DNAJC5: variants seen among roughly 807,000 people sequenced by gnomAD.
The protein encoded by DNAJC5 is DnaJ heat shock protein family (Hsp40) member C5.
In DNAJC5, 1 loss-of-function variant was observed where a neutral mutation model predicts 23.2. That is an observed-to-expected ratio of 0.04 (90% CI 0.02 to 0.20). DNAJC5 has a LOEUF of 0.20. Ranked by LOEUF, DNAJC5 falls within the 10% of genes least tolerant of loss-of-function variation. The probability of loss-of-function intolerance (pLI) is 1.00; values close to 1 mark genes in which losing one functional copy is unlikely to be tolerated. For missense variants in DNAJC5, 180 were observed against 267.0 expected (o/e 0.67, Z 2.27); for synonymous variants, 136 against 120.0 (o/e 1.13, Z -0.87).
At chr20:63,913,099 T>C (rs6062577) in intron 1 of DNAJC5, among the ~76,000 whole-genome samples, 11,631 of 93,108 alleles carry the variant, frequency 0.12, 457 homozygotes, top group East Asian at 0.5. Context: ...GTCTGCACTG[T>C]CTCTCCCAGA....
chr20:63,926,071 G>T (rs1427055374), intron 1 of DNAJC5, among the ~76,000 whole-genome samples: 2 of 152,072 alleles, frequency 1.3e-5, no homozygotes, highest in Non-Finnish European at 2.9e-5. Context: ...CTCGTGATCT[G>T]CCCGCCTTGG....
intron 1 of DNAJC5, among the ~76,000 whole-genome samples, chr20:63,895,959 A>C (rs1358267258): frequency 6.6e-6 from 1 of 152,208 alleles, no homozygotes; most frequent in Non-Finnish European, 1.5e-5. Flanking sequence ...GTTGGTGTTA[A>C]GTGTCTGGAT....
At chr20:63,921,522 C>T (rs140259601) in intron 1 of DNAJC5, among the ~76,000 whole-genome samples, 35 of 149,436 alleles carry the variant, frequency 2.3e-4, no homozygotes, top group African/African-American at 7.9e-4. Context: ...ACCCGGGAGG[C>T]GGAGCTTGCA....
At chr20:63,917,628 T>C (rs571812621) in intron 1 of DNAJC5, among the ~76,000 whole-genome samples, 1 of 152,276 alleles carries the variant, frequency 6.6e-6, no homozygotes, top group East Asian at 1.9e-4. Context: ...CGATCTCGGC[T>C]CACTGCAACC....
chr20:63,901,563 G>C (rs1600859257), intron 1 of DNAJC5, among the ~76,000 whole-genome samples: 1 of 152,266 alleles, frequency 6.6e-6, no homozygotes, highest in South Asian at 2.1e-4. Context: ...CAGTCTCAGA[G>C]TGGAGGCGAG....
intron 1 of DNAJC5, among the ~76,000 whole-genome samples, chr20:63,922,597 G>C (rs76284561): frequency 1.8e-4 from 27 of 151,748 alleles, no homozygotes; most frequent in Non-Finnish European, 3.5e-4. Flanking sequence ...CATAGACCCC[G>C]TCTCTGCAAA....
intron 3 of DNAJC5, among the ~76,000 whole-genome samples, 187 bp from the exon 4 acceptor site, chr20:63,930,664 T>A (rs1452118348): frequency 2.6e-5 from 4 of 152,210 alleles, no homozygotes; most frequent in Admixed American, 2.6e-4. Flanking sequence ...TGCTTTTCTT[T>A]AAGCTGCGGG....
chr20:63,930,923 T>A lies in DNAJC5; in HGVS notation c.394T>A (p.Cys132Ser). 1 of 1,614,172 alleles carries A rather than the reference T, an allele frequency of 6.2e-7. No homozygotes were observed. Among genetic ancestry groups the A allele is most frequent in the Non-Finnish European group, 8.5e-7 (1 of 1,180,050 alleles). ...CTGTCTGTGCTGCTGCTTCAACTGC[T>A]GCTGCGGGAAGTGTAAGCCCAAGGC... ...CCCLCCCFNCCCGKCKPKAPE... is the reference protein window; with the variant it reads ...CCCLCCCFNCSCGKCKPKAPE... The change falls in exon 4 of 5, where the codon TGC becomes AGC. Residue 132 changes from cysteine (C) to serine (S), a missense_variant. Around this residue, in one of 3 missense-constraint regions of DNAJC5, gnomAD observed 97 missense variants for 123.4 expected, o/e 0.79. Coordinates refer to ENST00000360864, the MANE Select transcript of DNAJC5 (RefSeq NM_025219.3).
chr20:63,920,415 G>A lies in DNAJC5; in HGVS notation c.-11-7920G>A, dbSNP rs2053559203. On this transcript the variant is annotated intron_variant, in intron 1 of 4. Coordinates refer to ENST00000360864, the MANE Select transcript of DNAJC5 (RefSeq NM_025219.3). The surrounding 1 kb of genome is among the most constrained non-coding windows in gnomAD (Gnocchi z 4.6). ...GTCAGCAGGGCTCTCGTCCGCCAAC[G>A]TCTGGTGGGGATGCCCGCCATGCGG... 7.0e-6 allele frequency among the ~76,000 whole-genome samples: 1 copy of A among 143,872 alleles called. No individual in the cohort carries two copies. Among genetic ancestry groups the A allele is most frequent in the Non-Finnish European group, 1.5e-5 (1 of 67,188 alleles). The allele number at this position is 143,872 out of a possible 152,430, so 94.4% of individuals were successfully genotyped here.
chr20:63,930,919 C>G lies in DNAJC5; in HGVS notation c.390C>G (p.Asn130Lys). 6.2e-7 allele frequency: 1 copy of G among 1,614,158 alleles called. No individual in the cohort carries two copies. Among genetic ancestry groups the G allele is most frequent in the Non-Finnish European group, 8.5e-7 (1 of 1,180,048 alleles). Residue 130 changes from asparagine (N) to lysine (K), a missense_variant, in exon 4 of 5, where the codon AAC becomes AAG. Physicochemically the swap from Asn to Lys is moderately conservative, Grantham distance 94. Transcript: ENST00000360864. ...GCTGCTGTCTGTGCTGCTGCTTCAA[C>G]TGCTGCTGCGGGAAGTGTAAGCCCA... ...YCCCCLCCCF[N>K]CCCGKCKPKA...
At chr20:63,898,695 G>T (rs895116044) in intron 1 of DNAJC5, among the ~76,000 whole-genome samples, 10 of 152,134 alleles carry the variant, frequency 6.6e-5, no homozygotes, top group Non-Finnish European at 1.3e-4. Context: ...TACAAAAATA[G>T]CTGGGTGTGG....
intron 3 of DNAJC5, among the ~76,000 whole-genome samples, 170 bp from the exon 4 acceptor site, chr20:63,930,681 T>A (rs2053661450): frequency 6.6e-6 from 1 of 152,204 alleles, no homozygotes; most frequent in African/African-American, 2.4e-5. Flanking sequence ...CGGGTTTCTT[T>A]CTGTCTCTCC....
At position 63,931,635 on chromosome 20, in the gene DNAJC5, T is replaced by C; in HGVS notation, c.*67T>C. 2.1e-6 allele frequency: 3 copies of C among 1,456,348 alleles called. No individual in the cohort carries two copies. Among genetic ancestry groups the C allele is most frequent in the Non-Finnish European group, 2.8e-6 (3 of 1,073,370 alleles). The allele number at this position is 1,456,348 out of a possible 1,614,324, so 90.2% of individuals were successfully genotyped here. A position where few individuals can be genotyped will look rare whatever the true frequency, so the allele number is the denominator to read the frequency against. The stretch of plus-strand genomic sequence containing the variant: ...CCACGCCAACCTTAGAATCATGAAC[T>C]GTAGTCACAGAGATGGGAAGGCAGC... On this transcript the variant is annotated 3_prime_UTR_variant, in exon 5 of 5. Transcript: ENST00000360864. The surrounding 1 kb of genome is among the most constrained non-coding windows in gnomAD (Gnocchi z 9.6).
chr20:63,925,311 CCA>C (rs2053603440), intron 1 of DNAJC5, among the ~76,000 whole-genome samples: 1 of 152,094 alleles, frequency 6.6e-6, no homozygotes, highest in African/African-American at 2.4e-5. Context: ...TGGTGAAACC[CCA>C]TCTCTACTAA....
chr20:63,923,509 C>G (rs750440394), intron 1 of DNAJC5, among the ~76,000 whole-genome samples: 2 of 151,826 alleles, frequency 1.3e-5, no homozygotes. Context: ...GAGGCTGTAG[C>G]AGGCGGATTG....
intron 1 of DNAJC5, among the ~76,000 whole-genome samples, chr20:63,903,020 C>T (rs1209571941): frequency 6.6e-6 from 1 of 150,470 alleles, no homozygotes; most frequent in Non-Finnish European, 1.5e-5. Flanking sequence ...TGTCTCTCAC[C>T]CAAGTTAGAG....
At chr20:63,917,341 G>A (rs753647284) in intron 1 of DNAJC5, among the ~76,000 whole-genome samples, 3 of 151,902 alleles carry the variant, frequency 2.0e-5, no homozygotes, top group Admixed American at 1.3e-4. Flanking sequence ...TGCAGCCGCC[G>A]CCTCCTGGGT....
chr20:63,928,249 C>T lies in DNAJC5; in HGVS notation c.-11-86C>T, dbSNP rs534052212. On this transcript the variant is annotated intron_variant, in intron 1 of 4. Transcript: ENST00000360864. The surrounding 1 kb of genome is among the most constrained non-coding windows in gnomAD (Gnocchi z 4.6). ...CAGTGTTGGATTCTTTTGCTTTGAA[C>T]GGTCTTATGGAATAAAGTCCATCAG... is the stretch of plus-strand genomic sequence containing the variant. 3.7e-4 allele frequency: 411 copies of T among 1,102,526 alleles called. No individual in the cohort carries two copies. Among genetic ancestry groups the T allele is most frequent in the Non-Finnish European group, 5.3e-4 (393 of 738,016 alleles). 68.3% of individuals were successfully genotyped at this position (1,102,526 alleles called of 1,614,324 possible). A position where few individuals can be genotyped will look rare whatever the true frequency, so the allele number is the denominator to read the frequency against.
intron 1 of DNAJC5, among the ~76,000 whole-genome samples, chr20:63,903,103 G>A (rs540868335): frequency 6.6e-6 from 1 of 152,262 alleles, no homozygotes; most frequent in Admixed American, 6.5e-5. Flanking sequence ...CTCCCAAGTA[G>A]CTGGGACTTT....
Sources: allele counts gnomAD v4.1 joint callset (sites outside exome capture counted in the v4.1 genomes callset), GRCh38; gene constraint gnomAD v4.1.1; regional missense constraint gnomAD v4.1.1; non-coding constraint Gnocchi (gnomAD v3.1); transcripts MANE v1.5; gene names NCBI Gene and HGNC (gene_info 2026-07-23, HGNC 2026-07-21).